The following CDH12 variants were observed in gnomAD, a reference collection of about 807,000 sequenced individuals.
The protein encoded by CDH12 is cadherin 12, also known as cadherin-12.
In CDH12, 41 loss-of-function variants were observed where a neutral mutation model predicts 74.1. The observed-to-expected ratio is 0.55, with a 90% CI of 0.43 to 0.72. CDH12 has a LOEUF of 0.72. Ranked by LOEUF, CDH12 falls within the 30% of genes least tolerant of loss-of-function variation. The pLI is 0.00. For synonymous variants in CDH12, 399 were observed against 355.0 expected (o/e 1.12, Z -1.39); for missense variants, 945 against 977.2 (o/e 0.97, Z 0.44).
intron 2 of CDH12, among the ~76,000 whole-genome samples, chr5:22,447,439 C>T (rs1413643457): frequency 1.3e-5 from 2 of 151,944 alleles, no homozygotes; most frequent in Non-Finnish European, 2.9e-5. Flanking sequence ...TAATGCATTG[C>T]TAATGTCATC....
intron 3 of CDH12, among the ~76,000 whole-genome samples, chr5:22,394,067 C>A (rs1742355146): frequency 6.6e-6 from 1 of 152,066 alleles, no homozygotes; most frequent in Admixed American, 6.6e-5. Context: ...AGGTTCTAAG[C>A]CTGTACAAAT....
At position 22,486,446 on chromosome 5, in the gene CDH12, ATTTTTTT is replaced by A. The variant is rs5866568; in HGVS notation, c.-428+18817_-428+18823del. Among the ~76,000 whole-genome samples the A allele has an allele frequency of 1.5e-3, 191 of 131,406 alleles. 3 individuals carry two copies. The highest frequency in any genetic ancestry group is 4.9e-3 in the African/African-American group (176 of 35,566). 86.2% of individuals were successfully genotyped at this position (131,406 alleles called of 152,430 possible). A position where few individuals can be genotyped will look rare whatever the true frequency, so the allele number is the denominator to read the frequency against. ...AAAGGATGAGAAGTGGTAACTAGTA[ATTTTTTT>A]TTTTTTTTTTTTTTTGAGACAGAGT... On this transcript the variant is annotated intron_variant, in intron 2 of 14. Coordinates refer to ENST00000382254, the MANE Select transcript of CDH12 (RefSeq NM_004061.5).
At chr5:22,680,403 A>T (rs898475123) in intron 1 of CDH12, among the ~76,000 whole-genome samples, 5 of 152,072 alleles carry the variant, frequency 3.3e-5, no homozygotes, top group Admixed American at 6.6e-5. Flanking sequence ...TTGTATTATT[A>T]TTAATAATAA....
At chr5:21,922,717 C>A (rs1422478640) in intron 6 of CDH12, among the ~76,000 whole-genome samples, 1 of 152,036 alleles carries the variant, frequency 6.6e-6, no homozygotes, top group African/African-American at 2.4e-5. Context: ...TCACCCTATT[C>A]CCTTATTTTT....
chr5:22,346,276 A>T (rs947902381), intron 3 of CDH12, among the ~76,000 whole-genome samples: 1 of 152,180 alleles, frequency 6.6e-6, no homozygotes, highest in African/African-American at 2.4e-5. Context: ...CTTTGTTCAC[A>T]CAATCCCTCT....
At chr5:21,927,243 G>A (rs1417603615) in intron 6 of CDH12, among the ~76,000 whole-genome samples, 1 of 152,132 alleles carries the variant, frequency 6.6e-6, no homozygotes, top group African/African-American at 2.4e-5. Flanking sequence ...AGATGGGTAA[G>A]GAGGAATAGA....
chr5:22,639,874 G>A (rs776276055), intron 1 of CDH12, among the ~76,000 whole-genome samples: 23 of 152,038 alleles, frequency 1.5e-4, no homozygotes, highest in Admixed American at 2.0e-4. Flanking sequence ...TTTCAGGCCC[G>A]AGTGACTTAC....
intron 5 of CDH12, among the ~76,000 whole-genome samples, chr5:22,041,155 T>C (rs1739549243): frequency 6.6e-6 from 1 of 151,964 alleles, no homozygotes; most frequent in African/African-American, 2.4e-5. Context: ...TATGTAAGCC[T>C]CATGGAAACC....
At chr5:22,587,080 C>G (rs1220004449) in intron 1 of CDH12, among the ~76,000 whole-genome samples, 1 of 152,032 alleles carries the variant, frequency 6.6e-6, no homozygotes, top group Non-Finnish European at 1.5e-5. Context: ...AGGCGATCTG[C>G]CCGTCTTGGC....
chr5:22,575,493 A>C (rs1739739125), intron 1 of CDH12, among the ~76,000 whole-genome samples: 1 of 152,112 alleles, frequency 6.6e-6, no homozygotes, highest in South Asian at 2.1e-4. Context: ...CCTGTGCTCA[A>C]GCAATCCTTC....
chr5:22,206,577 C>A (rs188446395), intron 4 of CDH12, among the ~76,000 whole-genome samples: 13 of 149,306 alleles, frequency 8.7e-5, no homozygotes, highest in Admixed American at 5.4e-4. Context: ...AGGAATGAGA[C>A]CCAGGAATCT....
At chr5:22,204,350 C>T (rs1477904384) in intron 4 of CDH12, among the ~76,000 whole-genome samples, 4 of 151,906 alleles carry the variant, frequency 2.6e-5, no homozygotes, top group Non-Finnish European at 5.9e-5. Context: ...TTAGTAGAGA[C>T]GGGGGTTTCA....
chr5:22,092,970 A>C (rs919240074), intron 4 of CDH12, among the ~76,000 whole-genome samples: 1 of 152,170 alleles, frequency 6.6e-6, no homozygotes, highest in Admixed American at 6.5e-5. Flanking sequence ...TTAACACACA[A>C]CAAGCTTTAG....
intron 3 of CDH12, among the ~76,000 whole-genome samples, chr5:22,349,667 T>C (rs2150463056): frequency 6.6e-6 from 1 of 152,330 alleles, no homozygotes; most frequent in East Asian, 1.9e-4. Context: ...CCAAATATGT[T>C]TCTCATTTCT....
chr5:21,882,796 GA>G (rs1752427694), intron 6 of CDH12: 7 of 1,573,468 alleles, frequency 4.4e-6, no homozygotes, highest in Middle Eastern at 1.7e-4. Flanking sequence ...CAGAGCTGGG[GA>G]AGTCCCAACG....
intron 1 of CDH12, among the ~76,000 whole-genome samples, chr5:22,835,577 A>G (rs748179980): frequency 6.6e-6 from 1 of 152,222 alleles, no homozygotes. Context: ...TTCATTAGTC[A>G]TGATTATCTC....
intron 1 of CDH12, among the ~76,000 whole-genome samples, chr5:22,593,382 C>A (rs572170297): frequency 6.6e-6 from 1 of 152,286 alleles, no homozygotes; most frequent in East Asian, 1.9e-4. Context: ...ACAAAACTAT[C>A]ACTGATTAGC....
intron 1 of CDH12, among the ~76,000 whole-genome samples, chr5:22,536,332 T>C (rs1737840094): frequency 6.6e-6 from 1 of 152,158 alleles, no homozygotes. Context: ...GTTTTCAACA[T>C]AGTAAATGTA....
Position 22,357,090 on chromosome 5 carries a change from G to T in CDH12, c.-333+48167C>A, listed in dbSNP as rs112801706. On this transcript the variant is annotated intron_variant, in intron 3 of 14. Transcript: ENST00000382254. ...AGAGAGATATAGAGACAGCCAGATA[G>T]AGATATTATTTGTATTTTTCTGCCA... Among the ~76,000 whole-genome samples the T allele has an allele frequency of 3.8e-3, 574 of 152,162 alleles. 6 individuals carry two copies. Among genetic ancestry groups the T allele is most frequent in the African/African-American group, 0.013 (533 of 41,536 alleles).
Sources: gnomAD v4.1 joint callset for allele counts (sites outside exome capture counted in the v4.1 genomes callset) on GRCh38, gnomAD v4.1.1 for gene constraint, MANE v1.5 for transcripts, NCBI Gene and HGNC (gene_info 2026-07-23, HGNC 2026-07-21) for gene names.